Variants in DNAI7 observed in about 807,000 individuals in gnomAD.
The protein encoded by DNAI7 is dynein axonemal intermediate chain 7.
DNAI7 carries 78 observed loss-of-function variants against 86.6 expected under a neutral mutation model. The observed-to-expected ratio is 0.90, with a 90% confidence interval of 0.75 to 1.09. The LOEUF (loss-of-function observed/expected upper bound fraction) is 1.09. Ranked by LOEUF, DNAI7 falls within the 50% of genes least tolerant of loss-of-function variation. The pLI is 0.00. For synonymous variants in DNAI7, 274 were observed against 273.0 expected, an observed-to-expected ratio of 1.00 and a Z score of -0.04; for missense variants, 753 against 810.2, an observed-to-expected ratio of 0.93 and a Z score of 0.86.
At chr12:25,194,376 G>C (rs752466656) in intron 1 of DNAI7, among the ~76,000 whole-genome samples, 1 of 152,164 alleles carries the variant, frequency 6.6e-6, no homozygotes, top group Non-Finnish European at 1.5e-5. Context: ...CCAGTGCCAA[G>C]TACAAAGAAT....
chr12:25,185,576 AT>A (rs1157910511), intron 2 of DNAI7, among the ~76,000 whole-genome samples: 1 of 152,268 alleles, frequency 6.6e-6, no homozygotes, highest in Non-Finnish European at 1.5e-5. Flanking sequence ...ACAAATAAAT[AT>A]GTTGATATGC....
chr12:25,183,036 T>C (rs771589821), intron 2 of DNAI7, among the ~76,000 whole-genome samples: 6 of 151,712 alleles, frequency 4.0e-5, no homozygotes, highest in Non-Finnish European at 7.4e-5. Context: ...GAGGTACATA[T>C]ACATCATAGC....
intron 2 of DNAI7, among the ~76,000 whole-genome samples, chr12:25,174,486 TATCATATATCCCATATATATGG>T (rs1164710558): frequency 1.4e-5 from 1 of 70,128 alleles, no homozygotes; most frequent in Non-Finnish European, 2.7e-5. Context: ...GGGATATATA[TATCATATATCCCATATATATGG>T]GATATATATA....
chr12:25,192,122 AAAAGT>A (rs879421011), intron 1 of DNAI7, among the ~76,000 whole-genome samples: 11 of 152,376 alleles, frequency 7.2e-5, no homozygotes, highest in Non-Finnish European at 1.3e-4. Flanking sequence ...CTGGAGATAG[AAAAGT>A]AGAGACTTTG....
chr12:25,112,618 G>C (rs2140352675), intron 13 of DNAI7, among the ~76,000 whole-genome samples: 1 of 152,058 alleles, frequency 6.6e-6, no homozygotes, highest in South Asian at 2.1e-4. Flanking sequence ...GTGTTAGCCA[G>C]GATGGTCTCG....
At chr12:25,142,899 G>A (rs1413460184) in intron 9 of DNAI7, among the ~76,000 whole-genome samples, 2 of 152,102 alleles carry the variant, frequency 1.3e-5, no homozygotes, top group African/African-American at 4.8e-5. Flanking sequence ...ATGCCTAGCT[G>A]CAACATGGAA....
intron 2 of DNAI7, among the ~76,000 whole-genome samples, chr12:25,174,685 TATATGGAATATAGATATCATAC>T (rs1220250043): frequency 7.7e-6 from 1 of 129,428 alleles, no homozygotes; most frequent in Admixed American, 8.4e-5. Context: ...ATATCATATA[TATATGGAATATAGATATCATAC>T]ATATGGAATA....
At chr12:25,147,503 C>G (rs1945023574) in intron 7 of DNAI7, among the ~76,000 whole-genome samples, 1 of 149,912 alleles carries the variant, frequency 6.7e-6, no homozygotes, top group Non-Finnish European at 1.5e-5. Flanking sequence ...AAAAAATTAG[C>G]TGGGTGTGGT....
intron 2 of DNAI7, among the ~76,000 whole-genome samples, chr12:25,189,795 A>T: frequency 6.6e-6 from 1 of 152,202 alleles, no homozygotes; most frequent in East Asian, 1.9e-4. Flanking sequence ...GCAGGTAAAT[A>T]AACTAAGAGG....
chr12:25,140,958 G>C (rs1010653147), intron 9 of DNAI7, among the ~76,000 whole-genome samples: 15 of 152,150 alleles, frequency 9.9e-5, no homozygotes, highest in African/African-American at 3.6e-4. Flanking sequence ...CATAAAGTGG[G>C]GGAAAGGACA....
chr12:25,111,801 AGT>A lies in DNAI7; in HGVS notation c.1748_1749del (p.His583LeufsTer10). 6.3e-7 allele frequency: 1 copy of A among 1,591,242 alleles called. No individual in the cohort carries two copies. The highest frequency in any genetic ancestry group is 8.5e-7 in the Non-Finnish European group (1 of 1,171,678). ...TTGTTTATAATAACATAAAAATGAGAGTGTCTAGTAGGAAAGATATTCAGTCC... is the reference window on the plus strand; with the variant it reads ...TTGTTTATAATAACATAAAAATGAGAGTCTAGTAGGAAAGATATTCAGTCC... Reference protein sequence around the residue: ...EAGLNIFPTRHSHFYVIINNK... With the variant: ...EAGLNIFPTRXSHFYVIINNK... On this transcript the variant is annotated frameshift_variant, in exon 14 of 16. Coordinates refer to ENST00000395987, the MANE Select transcript of DNAI7 (RefSeq NM_018272.5). LOFTEE classifies it high-confidence loss of function.
At chr12:25,173,951 A>G (rs560283548) in intron 2 of DNAI7, among the ~76,000 whole-genome samples, 1 of 143,260 alleles carries the variant, frequency 7.0e-6, no homozygotes, top group African/African-American at 2.5e-5. Flanking sequence ...TATATGGAAT[A>G]CATATATCAT....
chr12:25,122,887 T>C (rs1383068546), intron 10 of DNAI7, among the ~76,000 whole-genome samples: 1 of 152,230 alleles, frequency 6.6e-6, no homozygotes, highest in Non-Finnish European at 1.5e-5. Flanking sequence ...ACCAATGTAT[T>C]CTTAGAATAA....
chr12:25,159,714 G>C (rs10771175), intron 3 of DNAI7, among the ~76,000 whole-genome samples: 27,577 of 151,916 alleles, frequency 0.18, 2,627 homozygotes, highest in Middle Eastern at 0.24. Flanking sequence ...ATATTGAAGA[G>C]TATAAGTTTA....
chr12:25,186,990 T>C (rs1207911426), intron 2 of DNAI7, among the ~76,000 whole-genome samples: 2 of 152,210 alleles, frequency 1.3e-5, no homozygotes, highest in African/African-American at 4.8e-5. Flanking sequence ...TTTACCCTTG[T>C]GTCCCCCTAC....
At chr12:25,137,775 C>A (rs1943717347) in intron 9 of DNAI7, among the ~76,000 whole-genome samples, 1 of 152,094 alleles carries the variant, frequency 6.6e-6, no homozygotes, top group Non-Finnish European at 1.5e-5. Flanking sequence ...CTATAAACAA[C>A]AGTAGTTTAA....
At chr12:25,113,059 G>A (rs577823495) in intron 13 of DNAI7, among the ~76,000 whole-genome samples, 7 of 152,228 alleles carry the variant, frequency 4.6e-5, no homozygotes, top group South Asian at 2.1e-4. Flanking sequence ...CACAAGGGTC[G>A]TCAGGGCTGC....
chr12:25,163,536 G>A (rs1341733036), intron 2 of DNAI7, among the ~76,000 whole-genome samples: 3 of 151,968 alleles, frequency 2.0e-5, no homozygotes, highest in Non-Finnish European at 2.9e-5. Flanking sequence ...CTCTCTTTTC[G>A]GACTCAGCCC....
rs763713211 is a variant in DNAI7 at position 25,157,852 on chromosome 12, T to TTG, written c.198+619_198+620insCA. Among the ~76,000 whole-genome samples the TTG allele has an allele frequency of 6.5e-3, 939 of 145,262 alleles. 17 individuals are homozygous for TTG. Among genetic ancestry groups the TTG allele is most frequent in the Non-Finnish European group, 8.5e-3 (562 of 66,050 alleles). On this transcript the variant is annotated intron_variant, in intron 4 of 15. Coordinates refer to ENST00000395987, the MANE Select transcript of DNAI7 (RefSeq NM_018272.5). Reference sequence around the variant, plus strand: ...AATATTTTGAATTTTTTTTTTTTTTTGTTCCTGTTATCTTGTCTATACAAC... The same window carrying TTG: ...AATATTTTGAATTTTTTTTTTTTTTTTGGTTCCTGTTATCTTGTCTATACAAC...
Sources: allele counts gnomAD v4.1 joint callset (sites outside exome capture counted in the v4.1 genomes callset), GRCh38; gene constraint gnomAD v4.1.1; transcripts MANE v1.5; gene names NCBI Gene and HGNC (gene_info 2026-07-23, HGNC 2026-07-21).